The following CEP135 variants were observed in gnomAD, a reference collection of about 807,000 sequenced individuals.
The protein encoded by CEP135 is centrosomal protein 135.
Under a neutral mutation model 157.3 loss-of-function variants are expected in CEP135, and 142 were observed. The observed-to-expected ratio is 0.90, with a 90% CI of 0.79 to 1.04. The LOEUF is 1.04. Ranked by LOEUF, CEP135 falls within the 50% of genes least tolerant of loss-of-function variation. The probability of loss-of-function intolerance (pLI) is 0.00; values close to 1 mark genes in which losing one functional copy is unlikely to be tolerated. For synonymous variants in CEP135, 396 were observed against 439.8 expected (o/e 0.90, Z 1.25); for missense variants, 1,317 against 1,309.2 (o/e 1.01, Z -0.09).
chr4:55,983,844 C>G (rs760093989), intron 13 of CEP135, among the ~76,000 whole-genome samples: 1 of 152,102 alleles, frequency 6.6e-6, no homozygotes, highest in Non-Finnish European at 1.5e-5. Flanking sequence ...TTAATAGGTA[C>G]TGCTTACAGA....
intron 17 of CEP135, among the ~76,000 whole-genome samples, chr4:56,007,678 A>G (rs73817310): frequency 0.022 from 3,276 of 152,174 alleles, 119 homozygotes; most frequent in African/African-American, 0.075. Context: ...GTCCACCTCA[A>G]TCTCACTTTT....
chr4:56,018,719 C>T (rs903259596), intron 22 of CEP135, among the ~76,000 whole-genome samples: 18 of 151,884 alleles, frequency 1.2e-4, no homozygotes, highest in African/African-American at 4.4e-4. Flanking sequence ...GAGATTGTGC[C>T]ACTGCACTCC....
intron 25 of CEP135, among the ~76,000 whole-genome samples, chr4:56,026,980 A>G (rs564615755): frequency 4.2e-4 from 64 of 152,342 alleles, no homozygotes; most frequent in African/African-American, 1.5e-3. Flanking sequence ...CATTGTGAAC[A>G]TTAGTTATGT....
chr4:55,965,439 A>G (rs1728811164), intron 7 of CEP135: 1 of 434,288 alleles, frequency 2.3e-6, no homozygotes, highest in Non-Finnish European at 4.1e-6. Flanking sequence ...CTATGCTTGA[A>G]AATCAAAGTC....
At chr4:55,953,364 T>C (rs1018532888) in intron 3 of CEP135, 89 bp downstream of exon 3, 51 of 1,019,450 alleles carry the variant, frequency 5.0e-5, no homozygotes, top group Non-Finnish European at 7.0e-5. Flanking sequence ...TTAAAACTAT[T>C]GATTAGAAAA....
At chr4:56,030,426 A>G (rs983084351) in intron 25 of CEP135, among the ~76,000 whole-genome samples, 61 of 152,218 alleles carry the variant, frequency 4.0e-4, no homozygotes, top group African/African-American at 1.4e-3. Context: ...ACATATGACC[A>G]TATTTCTGTG....
chr4:55,973,355 C>T (rs144576350), intron 10 of CEP135, among the ~76,000 whole-genome samples: 2 of 152,282 alleles, frequency 1.3e-5, no homozygotes, highest in East Asian at 1.9e-4. Flanking sequence ...AAATGTTTTG[C>T]ACTGTCAATA....
At chr4:56,022,594 C>G (rs1444127815) in intron 24 of CEP135, among the ~76,000 whole-genome samples, 2 of 151,958 alleles carry the variant, frequency 1.3e-5, no homozygotes, top group Admixed American at 6.6e-5. Flanking sequence ...TTAGAAATCT[C>G]AGGTACTGAA....
At position 56,031,528 on chromosome 4, in the gene CEP135, T is replaced by C. The variant is rs1684363027; in HGVS notation, c.*180T>C. On this transcript the variant is annotated 3_prime_UTR_variant, in exon 26 of 26. Coordinates refer to ENST00000257287, the MANE Select transcript of CEP135 (RefSeq NM_025009.5). ...TAAAAAGTTTGGTTTAAAAGAACTA[T>C]ATCTATATGTATATTTTCATATATA... 6.6e-6 allele frequency: 1 copy of C among 152,634 alleles called. No individual in the cohort carries two copies. Among genetic ancestry groups the C allele is most frequent in the South Asian group, 2.1e-4 (1 of 4,834 alleles). 9.5% of individuals were successfully genotyped at this position (152,634 alleles called of 1,614,324 possible).
intron 24 of CEP135, among the ~76,000 whole-genome samples, chr4:56,022,008 T>C (rs560202659): frequency 6.6e-6 from 1 of 152,094 alleles, no homozygotes; most frequent in South Asian, 2.1e-4. Context: ...CCAGCCTGAG[T>C]AACAGTGAAA....
At chr4:55,953,551 T>G (rs1728424691) in intron 3 of CEP135, among the ~76,000 whole-genome samples, 1 of 152,060 alleles carries the variant, frequency 6.6e-6, no homozygotes, top group African/African-American at 2.4e-5. Flanking sequence ...TAATAGCCCC[T>G]GAAATACTAT....
At chr4:55,980,022 A>G (rs1729346336) in intron 11 of CEP135, 121 bp from the exon 12 acceptor site, 1 of 811,866 alleles carries the variant, frequency 1.2e-6, no homozygotes, top group Admixed American at 2.6e-5. Flanking sequence ...GTGTTCCTTA[A>G]TTACGTTAAA....
chr4:56,004,079 T>G (rs1730269833), intron 17 of CEP135, among the ~76,000 whole-genome samples: 1 of 152,218 alleles, frequency 6.6e-6, no homozygotes, highest in Non-Finnish European at 1.5e-5. Flanking sequence ...CTGTTTTTGC[T>G]GTATTTCACA....
In CEP135 at chr4:55,985,266, A is replaced by T; in HGVS notation, c.1780-15A>T. ...TCTGATACAAATGAACATTTTCTTTAACATTCTTTTTCAGCATATTGAAGA... is the reference window on the plus strand; with the variant it reads ...TCTGATACAAATGAACATTTTCTTTTACATTCTTTTTCAGCATATTGAAGA... On this transcript the variant is annotated splice_polypyrimidine_tract_variant and intron_variant, in intron 13 of 25. Coordinates refer to ENST00000257287, the MANE Select transcript of CEP135 (RefSeq NM_025009.5). 6.9e-7 allele frequency: 1 copy of T among 1,441,596 alleles called. No homozygotes were observed. Among genetic ancestry groups the T allele is most frequent in the Non-Finnish European group, 9.7e-7 (1 of 1,029,278 alleles). 89.3% of individuals were successfully genotyped at this position (1,441,596 alleles called of 1,614,324 possible).
intron 11 of CEP135, among the ~76,000 whole-genome samples, chr4:55,978,828 A>G (rs1729307380): frequency 6.6e-6 from 1 of 152,214 alleles, no homozygotes; most frequent in African/African-American, 2.4e-5. Context: ...AGGATTACAA[A>G]CATGAACCAC....
At position 56,009,859 on chromosome 4, in the gene CEP135, A is replaced by G; in HGVS notation, c.2461A>G (p.Arg821Gly). ...TAGAGAAATCGCTTTTAAGGAAAACAGAAGACTGCAAGATGACCTGGCTAC... is the reference window on the plus strand; with the variant it reads ...TAGAGAAATCGCTTTTAAGGAAAACGGAAGACTGCAAGATGACCTGGCTAC... ...RSREIAFKEN[R>G]RLQDDLATMA... Residue 821 changes from arginine (R) to glycine (G), a missense_variant, in exon 19 of 26, where the codon AGA becomes GGA. Transcript: ENST00000257287. 14 of 1,613,964 alleles carry G rather than the reference A, an allele frequency of 8.7e-6. No homozygotes were observed. Among genetic ancestry groups the G allele is most frequent in the Non-Finnish European group, 1.2e-5 (14 of 1,179,968 alleles).
intron 1 of CEP135, among the ~76,000 whole-genome samples, chr4:55,949,718 C>A (rs1279257323): frequency 6.6e-6 from 1 of 152,198 alleles, no homozygotes; most frequent in African/African-American, 2.4e-5. Flanking sequence ...GACCCCCAAA[C>A]CTAACCTTTT....
chr4:56,004,906 T>C (rs190612610), intron 17 of CEP135, among the ~76,000 whole-genome samples: 199 of 151,072 alleles, frequency 1.3e-3, no homozygotes, highest in Non-Finnish European at 2.2e-3. Flanking sequence ...GTAATTGATA[T>C]GTAAGGACTT....
chr4:55,990,441 A>G (rs1158445235), intron 14 of CEP135, among the ~76,000 whole-genome samples: 1 of 151,892 alleles, frequency 6.6e-6, no homozygotes, highest in African/African-American at 2.4e-5. Flanking sequence ...TTTGTATGTA[A>G]AATAAAGAAG....
Sources: allele counts gnomAD v4.1 joint callset (sites outside exome capture counted in the v4.1 genomes callset), GRCh38; gene constraint gnomAD v4.1.1; transcripts MANE v1.5; gene names NCBI Gene and HGNC (gene_info 2026-07-23, HGNC 2026-07-21).